The following XPO6 variants were observed in gnomAD, a reference collection of about 807,000 sequenced individuals.
XPO6 encodes exportin 6.
A neutral mutation model predicts 130.0 loss-of-function variants in XPO6; 3 were observed. The observed-to-expected ratio is 0.02, with a 90% CI of 0.01 to 0.06. XPO6 has a LOEUF of 0.06. XPO6 is among the 10% of genes least tolerant of loss of function. XPO6 has a pLI of 1.00. For synonymous variants in XPO6, 524 were observed against 548.9 expected (o/e 0.95, Z 0.63); for missense variants, 970 against 1,393.0 (o/e 0.70, Z 4.83).
chr16:28,149,907 G>C (rs2043056050), intron 8 of XPO6, among the ~76,000 whole-genome samples: 1 of 152,218 alleles, frequency 6.6e-6, no homozygotes, highest in African/African-American at 2.4e-5. Context: ...AAAGCTATGA[G>C]AGAGTAAGAT....
At chr16:28,131,785 A>G (rs1567610373) in intron 12 of XPO6, among the ~76,000 whole-genome samples, 1 of 152,258 alleles carries the variant, frequency 6.6e-6, no homozygotes, top group Non-Finnish European at 1.5e-5. Context: ...CTACAAATGG[A>G]AGCTATTACT....
chr16:28,132,304 G>A lies in XPO6; in HGVS notation c.1606+30C>T, dbSNP rs766293813. The A allele has an allele frequency of 3.3e-6, 5 of 1,507,234 alleles. No homozygotes were observed. In the South Asian group the frequency reaches 4.8e-5, roughly 14 times the overall value. 93.4% of individuals were successfully genotyped at this position (1,507,234 alleles called of 1,614,324 possible). On this transcript the variant is annotated intron_variant, in intron 12 of 23. Transcript: ENST00000304658. This position sits in a 1 kb window ranked among gnomAD's most constrained non-coding sequence, Gnocchi z 4.0. ...CAGTCCGATGGTTTTTTGAATGTTT[G>A]GTTAAATTAGAAAATAAAAACCAGT...
At chr16:28,175,857 A>T in intron 4 of XPO6, 41 bp downstream of exon 4, 2 of 1,579,814 alleles carry the variant, frequency 1.3e-6, no homozygotes, top group Non-Finnish European at 1.7e-6. Context: ...TTCAACAAAC[A>T]AACTATTCAC....
intron 3 of XPO6, 102 bp downstream of exon 3, chr16:28,177,118 C>T: frequency 1.5e-6 from 1 of 659,578 alleles, no homozygotes; most frequent in Admixed American, 3.5e-5. Flanking sequence ...CAGAGCTGAG[C>T]TACCCTCTCC....
At chr16:28,123,954 G>A (rs2087318938) in intron 13 of XPO6, among the ~76,000 whole-genome samples, 1 of 152,024 alleles carries the variant, frequency 6.6e-6, no homozygotes, top group Non-Finnish European at 1.5e-5. Context: ...TTTAAGCACT[G>A]GGCTTGGAAA....
At chr16:28,120,920 CTG>C (rs2087219613) in intron 14 of XPO6, among the ~76,000 whole-genome samples, 1 of 152,364 alleles carries the variant, frequency 6.6e-6, no homozygotes, top group Non-Finnish European at 1.5e-5. Flanking sequence ...ATCAATGTAG[CTG>C]TGTTTCAATA....
chr16:28,107,399 T>C, intron 18 of XPO6, 123 bp downstream of exon 18: 1 of 1,180,930 alleles, frequency 8.5e-7, no homozygotes, highest in Admixed American at 2.1e-5. Flanking sequence ...CAGTACCGGG[T>C]TTCGTTGCAC....
In XPO6 at chr16:28,156,675, T is replaced by C. The variant is rs184180379; in HGVS notation, c.644-148A>G. The C allele has an allele frequency of 8.4e-4, 406 of 483,556 alleles. 1 individual carries two copies. The East Asian group carries it at 0.012, about 14-fold the overall frequency. The allele number at this position is 483,556 out of a possible 1,614,324, so 30.0% of individuals were successfully genotyped here. The stretch of plus-strand genomic sequence containing the variant: ...ATGAAATAAAAAAATAAAATCTATA[T>C]GCTCAAAGTTAAACACTAATTAGGA... On this transcript the variant is annotated intron_variant, in intron 6 of 23. Transcript: ENST00000304658.
chr16:28,206,800 A>G (rs2044037710), intron 1 of XPO6, among the ~76,000 whole-genome samples: 1 of 152,080 alleles, frequency 6.6e-6, no homozygotes, highest in Non-Finnish European at 1.5e-5. Context: ...TTTCCCTGCC[A>G]TCTCCCTGCA....
chr16:28,199,026 G>A lies in XPO6; in HGVS notation c.3+12340C>T, dbSNP rs533453157. 2.0e-5 allele frequency among the ~76,000 whole-genome samples: 3 copies of A among 152,130 alleles called. No homozygotes were observed. In the East Asian group the frequency reaches 5.8e-4, roughly 30 times the overall value. On this transcript the variant is annotated intron_variant, in intron 1 of 23. Transcript: ENST00000304658. ...GGGCGTGGTGTCACATGTAATCCCAGCTACTTGGGAGGCTAAGGCAGGAGA... is the reference window on the plus strand; with the variant it reads ...GGGCGTGGTGTCACATGTAATCCCAACTACTTGGGAGGCTAAGGCAGGAGA...
rs546593053 is a variant in XPO6, at chr16:28,102,788, C to T, written c.2947-843G>A. 2.6e-5 allele frequency among the ~76,000 whole-genome samples: 4 copies of T among 152,072 alleles called. No homozygotes were observed. The South Asian group carries it at 6.2e-4, about 24-fold the overall frequency. ...TTACTAGTTCAGGGGCAAAAAGAAA[C>T]ACCCCGCACACCAACACAAAGTGCC... On this transcript the variant is annotated intron_variant, in intron 21 of 23. Transcript: ENST00000304658.
intron 1 of XPO6, among the ~76,000 whole-genome samples, chr16:28,198,376 T>C (rs1429811208): frequency 1.3e-5 from 2 of 152,150 alleles, no homozygotes; most frequent in Non-Finnish European, 1.5e-5. Flanking sequence ...AAATACTTTT[T>C]ACAATCAGGA....
chr16:28,114,248 T>C (rs561707390), intron 15 of XPO6, among the ~76,000 whole-genome samples: 24 of 149,374 alleles, frequency 1.6e-4, no homozygotes, highest in African/African-American at 5.6e-4. Flanking sequence ...CTGAAGTTGC[T>C]GTACATATGT....
intron 5 of XPO6, 72 bp downstream of exon 5, chr16:28,169,678 C>A: frequency 6.4e-7 from 1 of 1,566,662 alleles, no homozygotes. Context: ...CTCAAAGCTG[C>A]TGAGTGCCAA....
Position 28,132,632 on chromosome 16 carries a change from C to G in XPO6, c.1537-229G>C, listed in dbSNP as rs184545505. Among the ~76,000 whole-genome samples, 1 of 143,446 alleles carries G rather than the reference C, an allele frequency of 7.0e-6. No individual in the cohort carries two copies. Among genetic ancestry groups the G allele is most frequent in the Non-Finnish European group, 1.5e-5 (1 of 66,314 alleles). The allele number at this position is 143,446 out of a possible 152,430, so 94.1% of individuals were successfully genotyped here. On this transcript the variant is annotated intron_variant, in intron 11 of 23. Coordinates refer to ENST00000304658, the MANE Select transcript of XPO6 (RefSeq NM_015171.4). This position sits in a 1 kb window ranked among gnomAD's most constrained non-coding sequence, Gnocchi z 4.0. ...TTAATACACAGAATAAGAAAGAAAA[C>G]GTATTAGTTCAACCCTTTTTTTAAA... is the stretch of plus-strand genomic sequence containing the variant.
chr16:28,114,485 C>T (rs1021963866), intron 15 of XPO6, among the ~76,000 whole-genome samples: 1 of 152,180 alleles, frequency 6.6e-6, no homozygotes, highest in African/African-American at 2.4e-5. Flanking sequence ...TTTGTTTACA[C>T]TATAGTCTAT....
chr16:28,159,735 C>CG (rs998540368), intron 6 of XPO6, among the ~76,000 whole-genome samples: 1 of 151,994 alleles, frequency 6.6e-6, no homozygotes, highest in Non-Finnish European at 1.5e-5. Context: ...AACATGGTGG[C>CG]GGGGGGAGGT....
chr16:28,136,661 G>T (rs2042784017), intron 9 of XPO6, among the ~76,000 whole-genome samples: 2 of 152,234 alleles, frequency 1.3e-5, no homozygotes, highest in African/African-American at 4.8e-5. Flanking sequence ...GAAATACTCA[G>T]AGCGGTAGGT....
At chr16:28,174,979 C>T (rs372834097) in intron 4 of XPO6, among the ~76,000 whole-genome samples, 37 of 152,342 alleles carry the variant, frequency 2.4e-4, no homozygotes, top group African/African-American at 8.9e-4. Flanking sequence ...CAGATCCACA[C>T]TTCCTAATGT....
Sources: gnomAD v4.1 joint callset for allele counts (sites outside exome capture counted in the v4.1 genomes callset) on GRCh38, gnomAD v4.1.1 for gene constraint, Gnocchi (gnomAD v3.1) non-coding constraint, MANE v1.5 for transcripts, NCBI Gene and HGNC (gene_info 2026-07-23, HGNC 2026-07-21) for gene names.